The following DLGAP2 variants were observed in gnomAD, a reference collection of about 807,000 sequenced individuals.
DLGAP2 encodes the protein disks large-associated protein 2.
A neutral mutation model predicts 100.3 loss-of-function variants in DLGAP2; 26 were observed. That is an observed-to-expected ratio of 0.26 (90% CI 0.19 to 0.36). The LOEUF (loss-of-function observed/expected upper bound fraction) is 0.36. Ranked by LOEUF, DLGAP2 falls within the 10% of genes least tolerant of loss-of-function variation. The pLI, the probability that DLGAP2 is intolerant of heterozygous loss-of-function variation, is 1.00. For synonymous variants in DLGAP2, 886 were observed against 630.1 expected, an observed-to-expected ratio of 1.41 and a Z score of -6.08; for missense variants, 1,858 against 1,453.2, an observed-to-expected ratio of 1.28 and a Z score of -4.53.
At chr8:1,291,435 GA>G (rs1800055963) in intron 3 of DLGAP2, among the ~76,000 whole-genome samples, 1 of 152,120 alleles carries the variant, frequency 6.6e-6, no homozygotes, top group Non-Finnish European at 1.5e-5. Context: ...TGGTCAAAGG[GA>G]AAATTTTGCA....
intron 3 of DLGAP2, among the ~76,000 whole-genome samples, chr8:1,388,216 G>A (rs1171743696): frequency 1.6e-5 from 2 of 128,430 alleles, no homozygotes; most frequent in Admixed American, 8.2e-5. Context: ...TGGATGAGGA[G>A]GCGCTGGTTC....
chr8:1,158,596 A>C (rs564266710), intron 2 of DLGAP2, among the ~76,000 whole-genome samples: 2 of 152,336 alleles, frequency 1.3e-5, no homozygotes, highest in African/African-American at 4.8e-5. Flanking sequence ...GATACCTGTG[A>C]AATGAATGGT....
intron 3 of DLGAP2, among the ~76,000 whole-genome samples, chr8:1,331,970 C>A (rs1333564055): frequency 6.6e-6 from 1 of 152,212 alleles, no homozygotes; most frequent in African/African-American, 2.4e-5. Flanking sequence ...CCTGCCAACC[C>A]CCTGAACAGC....
intron 3 of DLGAP2, among the ~76,000 whole-genome samples, chr8:1,362,109 C>A (rs961567942): frequency 0.05 from 5 of 100 alleles, no homozygotes; most frequent in African/African-American, 0.21. Context: ...GGGGAGTTAG[C>A]GTACTTCAAA....
intron 2 of DLGAP2, among the ~76,000 whole-genome samples, chr8:1,172,328 A>T (rs1797146552): frequency 6.6e-6 from 1 of 151,672 alleles, no homozygotes; most frequent in African/African-American, 2.4e-5. Context: ...TTTTTCCTTC[A>T]TTTCCACTTT....
chr8:978,017 G>C (rs66517513), intron 2 of DLGAP2, among the ~76,000 whole-genome samples: 6 of 44,442 alleles, frequency 1.4e-4, no homozygotes, highest in Admixed American at 2.3e-4. Context: ...TGAGGGGCTG[G>C]GTTCTGGTCT....
intron 3 of DLGAP2, among the ~76,000 whole-genome samples, chr8:1,344,753 A>G (rs1801516460): frequency 6.6e-6 from 1 of 151,908 alleles, no homozygotes; most frequent in South Asian, 2.1e-4. Flanking sequence ...CATTTTCTGC[A>G]CTCCTCCTTG....
At chr8:1,182,202 AG>A (rs1231176846) in intron 2 of DLGAP2, among the ~76,000 whole-genome samples, 1 of 152,234 alleles carries the variant, frequency 6.6e-6, no homozygotes, top group Non-Finnish European at 1.5e-5. Context: ...TGCTCTAAGC[AG>A]GGCAGAAACC....
At chr8:793,024 A>G (rs1174358802) in intron 1 of DLGAP2, among the ~76,000 whole-genome samples, 2 of 152,188 alleles carry the variant, frequency 1.3e-5, no homozygotes, top group Non-Finnish European at 2.9e-5. Flanking sequence ...GAAGATTATT[A>G]GTTGACTTTG....
At chr8:828,897 G>A (rs1450391055) in intron 1 of DLGAP2, among the ~76,000 whole-genome samples, 8 of 152,104 alleles carry the variant, frequency 5.3e-5, no homozygotes, top group Admixed American at 3.9e-4. Flanking sequence ...TATTCTCAGG[G>A]TCTATATGTA....
chr8:953,316 C>G (rs2129008257), intron 2 of DLGAP2, among the ~76,000 whole-genome samples: 1 of 152,278 alleles, frequency 6.6e-6, no homozygotes, highest in East Asian at 1.9e-4. Flanking sequence ...GCCTCAGCCT[C>G]CCGAGTAGCT....
At chr8:1,143,134 C>T (rs542957323) in intron 2 of DLGAP2, among the ~76,000 whole-genome samples, 13 of 152,262 alleles carry the variant, frequency 8.5e-5, no homozygotes, top group African/African-American at 2.9e-4. Flanking sequence ...AGGGTTCTCT[C>T]CTTTATAAAT....
At chr8:1,379,949 C>G (rs1052319714) in intron 3 of DLGAP2, among the ~76,000 whole-genome samples, 6 of 151,336 alleles carry the variant, frequency 4.0e-5, no homozygotes, top group African/African-American at 1.2e-4. Flanking sequence ...CCCTCCCCTC[C>G]TGCTCGGTGG....
At chr8:1,488,509 C>T (rs369223340) in intron 3 of DLGAP2, among the ~76,000 whole-genome samples, 11 of 152,156 alleles carry the variant, frequency 7.2e-5, no homozygotes, top group African/African-American at 2.4e-4. Context: ...TTCATCTTCC[C>T]TTTATTTTTG....
chr8:1,370,014 G>C (rs941201451), intron 3 of DLGAP2, among the ~76,000 whole-genome samples: 25 of 152,268 alleles, frequency 1.6e-4, no homozygotes, highest in African/African-American at 6.0e-4. Context: ...CCTCAGACCT[G>C]AGTTCAGCAG....
chr8:1,499,460 G>A (rs918163835), intron 3 of DLGAP2, among the ~76,000 whole-genome samples: 4 of 152,192 alleles, frequency 2.6e-5, no homozygotes, highest in African/African-American at 9.7e-5. Context: ...TCACACATAT[G>A]ACGATGGTCT....
chr8:980,113 G>T (rs1800285796), intron 2 of DLGAP2, among the ~76,000 whole-genome samples: 1 of 152,208 alleles, frequency 6.6e-6, no homozygotes, highest in Non-Finnish European at 1.5e-5. Flanking sequence ...CTCAGAGCTG[G>T]GATTCCGGGA....
intron 4 of DLGAP2, among the ~76,000 whole-genome samples, chr8:1,528,610 C>G (rs1416533431): frequency 6.6e-6 from 1 of 152,242 alleles, no homozygotes; most frequent in African/African-American, 2.4e-5. Flanking sequence ...GGCTCTGTCT[C>G]CTGTCACCAC....
intron 2 of DLGAP2, among the ~76,000 whole-genome samples, chr8:1,087,522 C>T (rs1017451401): frequency 6.7e-6 from 1 of 149,958 alleles, no homozygotes; most frequent in South Asian, 2.1e-4. Flanking sequence ...TGTCAGTGAA[C>T]CACATGTGTG....
Sources: allele counts gnomAD v4.1 joint callset (sites outside exome capture counted in the v4.1 genomes callset), GRCh38; gene constraint gnomAD v4.1.1; transcripts MANE v1.5; gene names NCBI Gene and HGNC (gene_info 2026-07-23, HGNC 2026-07-21).